Variants in NEBL observed in about 807,000 individuals in gnomAD.
The protein encoded by NEBL is LIM and SH3 protein 2.
Under a neutral mutation model 140.2 loss-of-function variants are expected in NEBL, and 122 were observed. The observed-to-expected ratio is 0.87, with a 90% CI of 0.75 to 1.01. NEBL has a LOEUF of 1.01. NEBL is among the 50% of genes least tolerant of loss of function. The pLI is 0.00. For missense variants in NEBL, 1,365 were observed against 1,231.3 expected, an observed-to-expected ratio of 1.11 and a Z score of -1.62; for synonymous variants, 436 against 398.9, an observed-to-expected ratio of 1.09 and a Z score of -1.11.
At chr10:20,915,409 C>G (rs1294250111) in intron 4 of NEBL, among the ~76,000 whole-genome samples, 1 of 146,752 alleles carries the variant, frequency 6.8e-6, no homozygotes, top group South Asian at 2.3e-4. Flanking sequence ...TCCCCCCTCC[C>G]CCTACCCCAC....
chr10:20,852,923 C>A (rs703090), intron 9 of NEBL, among the ~76,000 whole-genome samples: 154 of 152,330 alleles, frequency 1.0e-3, no homozygotes, highest in Admixed American at 2.0e-3. Context: ...ACAACACCAG[C>A]GTGTGGCAAC....
intron 2 of NEBL, among the ~76,000 whole-genome samples, chr10:21,034,166 C>CT (rs1833917582): frequency 1.4e-5 from 1 of 70,406 alleles, no homozygotes; most frequent in East Asian, 4.7e-4. Flanking sequence ...GACCCTATCT[C>CT]GAAAAAAAAA....
chr10:20,804,148 T>C (rs1483377032), intron 26 of NEBL: 1 of 151,794 alleles, frequency 6.6e-6, no homozygotes, highest in Non-Finnish European at 1.5e-5. Context: ...GAGAGACAAA[T>C]AAATAAATCA....
intron 2 of NEBL, among the ~76,000 whole-genome samples, chr10:21,127,149 C>A (rs1838877948): frequency 6.6e-6 from 1 of 152,036 alleles, no homozygotes; most frequent in South Asian, 2.1e-4. Flanking sequence ...GAACAATTTC[C>A]TGATCCCCAC....
At chr10:21,280,615 T>TCTC (rs1842980413) in intron 1 of NEBL, among the ~76,000 whole-genome samples, 1 of 116,236 alleles carries the variant, frequency 8.6e-6, no homozygotes, top group African/African-American at 3.8e-5. Flanking sequence ...GGTTTTTCTT[T>TCTC]TTCCTTTTTT....
At chr10:20,925,031 TA>T (rs1370756038) in intron 4 of NEBL, among the ~76,000 whole-genome samples, 7 of 150,660 alleles carry the variant, frequency 4.6e-5, no homozygotes, top group South Asian at 2.1e-4. Flanking sequence ...ACTAGCATAT[TA>T]AAAAAAAATT....
chr10:20,918,886 T>TAAA (rs1359948097), intron 4 of NEBL, among the ~76,000 whole-genome samples: 1 of 151,642 alleles, frequency 6.6e-6, no homozygotes, highest in Non-Finnish European at 1.5e-5. Context: ...AAATAAATAA[T>TAAA]ATTACTGTCA....
intron 2 of NEBL, among the ~76,000 whole-genome samples, chr10:21,155,698 C>T (rs1331882595): frequency 6.6e-6 from 1 of 152,170 alleles, no homozygotes; most frequent in Non-Finnish European, 1.5e-5. Flanking sequence ...AATTGACACA[C>T]CTGAAAAGAC....
At chr10:20,932,294 T>C (rs959078845) in intron 4 of NEBL, among the ~76,000 whole-genome samples, 1 of 152,110 alleles carries the variant, frequency 6.6e-6, no homozygotes, top group Non-Finnish European at 1.5e-5. Flanking sequence ...CTGGAAGCCA[T>C]CATTCTCAGC....
chr10:20,899,896 A>G (rs1235931342), upstream of NEBL, among the ~76,000 whole-genome samples: 1 of 152,224 alleles, frequency 6.6e-6, no homozygotes, highest in Non-Finnish European at 1.5e-5. Flanking sequence ...TTTTGATTGA[A>G]TACATCTTTT....
rs116274794 is a variant in NEBL, at chr10:21,256,646, C to A, written n.183-4818G>T. 6.3e-3 allele frequency among the ~76,000 whole-genome samples: 965 copies of A among 152,216 alleles called. 12 individuals are homozygous for A. Among genetic ancestry groups the A allele is most frequent in the African/African-American group, 0.022 (906 of 41,534 alleles). The stretch of plus-strand genomic sequence containing the variant: ...AGGAGTTCGAGACCAGCCTAGGCAA[C>A]ATAGTGAGACCCTGTCTCTAAAAAT... On this transcript the variant is annotated intron_variant and non_coding_transcript_variant, in intron 1 of 8. Transcript: ENST00000675702.
At chr10:20,874,410 T>A (rs1845283306) in intron 5 of NEBL, among the ~76,000 whole-genome samples, 1 of 152,206 alleles carries the variant, frequency 6.6e-6, no homozygotes, top group Non-Finnish European at 1.5e-5. Flanking sequence ...GTCATTTGAA[T>A]GATCTGAGGC....
chr10:20,886,965 G>C (rs1269515465), intron 4 of NEBL, among the ~76,000 whole-genome samples: 1 of 152,160 alleles, frequency 6.6e-6, no homozygotes, highest in Non-Finnish European at 1.5e-5. Flanking sequence ...GAACTCTTCC[G>C]AGCACAAGAC....
chr10:21,065,668 A>G (rs1195062607), intron 2 of NEBL, among the ~76,000 whole-genome samples: 1 of 152,200 alleles, frequency 6.6e-6, no homozygotes, highest in Non-Finnish European at 1.5e-5. Flanking sequence ...GCATTTATTG[A>G]GCACCTGCTA....
intron 3 of NEBL, among the ~76,000 whole-genome samples, chr10:21,208,841 A>C (rs1226808925): frequency 2.6e-5 from 4 of 152,168 alleles, no homozygotes; most frequent in Non-Finnish European, 5.9e-5. Flanking sequence ...CATGGCAGGG[A>C]AAAAGAAAAC....
At chr10:21,090,960 A>AT (rs1174860724) in intron 2 of NEBL, among the ~76,000 whole-genome samples, 1 of 152,000 alleles carries the variant, frequency 6.6e-6, no homozygotes, top group Non-Finnish European at 1.5e-5. Flanking sequence ...AAAAATGCCA[A>AT]TTTTTTCCCA....
intron 2 of NEBL, among the ~76,000 whole-genome samples, chr10:21,118,721 C>CT (rs1056767429): frequency 1.3e-5 from 2 of 152,046 alleles, no homozygotes; most frequent in African/African-American, 2.4e-5. Context: ...AGTCAGTTTT[C>CT]TTTTTCTAAA....
intron 1 of NEBL, among the ~76,000 whole-genome samples, chr10:21,285,168 G>T (rs1036442906): frequency 6.6e-6 from 1 of 152,240 alleles, no homozygotes; most frequent in African/African-American, 2.4e-5. Flanking sequence ...TCGAAGGACA[G>T]ATTCATGGTT....
chr10:21,245,055 C>T (rs1469898000), intron 3 of NEBL, among the ~76,000 whole-genome samples: 1 of 151,642 alleles, frequency 6.6e-6, no homozygotes, highest in African/African-American at 2.4e-5. Flanking sequence ...CCCAGCTATT[C>T]AGAGGAGATG....
Sources: allele counts gnomAD v4.1 joint callset (sites outside exome capture counted in the v4.1 genomes callset), GRCh38; gene constraint gnomAD v4.1.1; transcripts MANE v1.5; gene names NCBI Gene and HGNC (gene_info 2026-07-23, HGNC 2026-07-21).